The following SPON1 variants were observed in gnomAD, a reference collection of about 807,000 sequenced individuals.
The protein encoded by SPON1 is spondin-1.
A neutral mutation model predicts 111.7 loss-of-function variants in SPON1; 52 were observed. The ratio of observed to expected loss-of-function variants is 0.47; its 90% CI spans 0.37 to 0.59. The LOEUF (loss-of-function observed/expected upper bound fraction) is 0.59, where lower values mean the gene tolerates loss of function less well. Among genes scored for constraint, SPON1 ranks in the 20% least tolerant of loss-of-function variants. The pLI is 0.00. For missense variants in SPON1, 957 were observed against 1,068.5 expected, an observed-to-expected ratio of 0.90 and a Z score of 1.46; for synonymous variants, 410 against 395.8, an observed-to-expected ratio of 1.04 and a Z score of -0.43.
intron 6 of SPON1, among the ~76,000 whole-genome samples, chr11:14,189,227 T>G (rs1243126376): frequency 6.6e-6 from 1 of 152,186 alleles, no homozygotes; most frequent in Non-Finnish European, 1.5e-5. Flanking sequence ...TGCTGATACT[T>G]TAAACATGCT....
Position 14,243,399 on chromosome 11 carries a change from A to G in SPON1, c.890+3A>G, listed in dbSNP as rs781788878. 1 of 1,566,824 alleles carries G rather than the reference A, an allele frequency of 6.4e-7. No homozygotes were observed. The highest frequency in any genetic ancestry group is 1.2e-5 in the South Asian group (1 of 84,966). ...CCAGCCTGGCAGCCTCTCAACGTGT[A>G]AGTAACACAAGTCCCTTGCCTGGCC... On this transcript the variant is annotated splice_donor_region_variant and intron_variant, in intron 7 of 15. Transcript: ENST00000576479.
chr11:14,156,967 A>C (rs1847855490), intron 6 of SPON1, among the ~76,000 whole-genome samples: 1 of 152,178 alleles, frequency 6.6e-6, no homozygotes, highest in African/African-American at 2.4e-5. Context: ...TCCAACATTG[A>C]AGATTACAAT....
chr11:14,232,030 A>T (rs2133912461), intron 6 of SPON1, among the ~76,000 whole-genome samples: 1 of 152,050 alleles, frequency 6.6e-6, no homozygotes, highest in African/African-American at 2.4e-5. Context: ...TTATGTTTTT[A>T]AATTCTAAAG....
intron 5 of SPON1, among the ~76,000 whole-genome samples, chr11:14,127,375 A>T (rs1322699509): frequency 1.3e-5 from 2 of 150,584 alleles, no homozygotes; most frequent in Admixed American, 1.3e-4. Context: ...CTTCTGTCTT[A>T]TTGTCTCACA....
At chr11:14,043,634 G>T (rs1412579142) in intron 3 of SPON1, among the ~76,000 whole-genome samples, 1 of 152,184 alleles carries the variant, frequency 6.6e-6, no homozygotes, top group South Asian at 2.1e-4. Context: ...CTCTAAAGAA[G>T]ATGGGCTGAA....
chr11:13,970,531 A>G (rs1370828668), intron 1 of SPON1, among the ~76,000 whole-genome samples: 1 of 152,220 alleles, frequency 6.6e-6, no homozygotes, highest in Non-Finnish European at 1.5e-5. Flanking sequence ...GCAGGTGGGC[A>G]CAGTCACAGC....
chr11:14,001,703 C>A (rs1848320408), intron 2 of SPON1, among the ~76,000 whole-genome samples: 1 of 152,110 alleles, frequency 6.6e-6, no homozygotes, highest in African/African-American at 2.4e-5. Flanking sequence ...CAAGGCATAA[C>A]CTCTACTTAA....
chr11:14,139,505 T>G (rs905145539), intron 6 of SPON1, among the ~76,000 whole-genome samples: 4 of 152,192 alleles, frequency 2.6e-5, no homozygotes, highest in Admixed American at 2.6e-4. Flanking sequence ...GGCATAGTAT[T>G]GGATGCTTCC....
At chr11:14,026,775 C>T (rs1554915373) in intron 2 of SPON1, among the ~76,000 whole-genome samples, 1 of 152,170 alleles carries the variant, frequency 6.6e-6, no homozygotes, top group East Asian at 1.9e-4. Context: ...TATGTATAAT[C>T]TTCTCAATGC....
intron 6 of SPON1, among the ~76,000 whole-genome samples, chr11:14,155,656 C>G (rs1847837149): frequency 6.6e-6 from 1 of 150,490 alleles, no homozygotes; most frequent in African/African-American, 2.4e-5. Flanking sequence ...CCCACTCCCC[C>G]TACCCCACAA....
intron 6 of SPON1, among the ~76,000 whole-genome samples, chr11:14,141,029 C>CCCCACA (rs71041572): frequency 3.8e-5 from 5 of 132,370 alleles, no homozygotes; most frequent in Non-Finnish European, 8.2e-5. Context: ...GTGCCCCCCC[C>CCCCACA]ATGCCCCACT....
At chr11:13,967,600 A>G (rs1228982896) in intron 1 of SPON1, among the ~76,000 whole-genome samples, 1 of 152,026 alleles carries the variant, frequency 6.6e-6, no homozygotes, top group African/African-American at 2.4e-5. Context: ...CAGATGTTAT[A>G]TGACCATGCC....
chr11:14,206,747 T>C (rs1423034914), intron 6 of SPON1, among the ~76,000 whole-genome samples: 3 of 151,994 alleles, frequency 2.0e-5, no homozygotes, highest in African/African-American at 7.2e-5. Flanking sequence ...CACAAACAAA[T>C]GGAAAAACAT....
At chr11:14,087,872 T>C (rs1242022224) in intron 5 of SPON1, among the ~76,000 whole-genome samples, 2 of 152,244 alleles carry the variant, frequency 1.3e-5, no homozygotes, top group African/African-American at 4.8e-5. Context: ...CTTGTTGCAT[T>C]GATCCCTTTA....
intron 6 of SPON1, among the ~76,000 whole-genome samples, chr11:14,138,628 C>G (rs1030427616): frequency 6.6e-6 from 1 of 151,908 alleles, no homozygotes; most frequent in African/African-American, 2.4e-5. Flanking sequence ...CCAAGGCAGG[C>G]GGGGGCTGTA....
chr11:14,238,405 G>A (rs1591422781), intron 6 of SPON1, among the ~76,000 whole-genome samples: 1 of 152,288 alleles, frequency 6.6e-6, no homozygotes, highest in Admixed American at 6.5e-5. Flanking sequence ...AAAGGGGCAG[G>A]GGGATGTGAC....
intron 6 of SPON1, among the ~76,000 whole-genome samples, chr11:14,223,771 T>C (rs79789067): frequency 0.024 from 3,696 of 152,286 alleles, 137 homozygotes; most frequent in African/African-American, 0.082. Flanking sequence ...TCTTTGCCTC[T>C]CAAGAATTTC....
intron 5 of SPON1, among the ~76,000 whole-genome samples, chr11:14,133,948 A>G (rs1847560250): frequency 6.6e-6 from 1 of 151,810 alleles, no homozygotes; most frequent in Non-Finnish European, 1.5e-5. Flanking sequence ...CTTTACACCT[A>G]TGTTCTTGAT....
At chr11:14,186,489 G>A (rs1848287061) in intron 6 of SPON1, among the ~76,000 whole-genome samples, 1 of 152,140 alleles carries the variant, frequency 6.6e-6, no homozygotes, top group South Asian at 2.1e-4. Flanking sequence ...GCTGGGAGTG[G>A]GGGAGATGCA....
Sources: allele counts gnomAD v4.1 joint callset (sites outside exome capture counted in the v4.1 genomes callset), GRCh38; gene constraint gnomAD v4.1.1; transcripts MANE v1.5; gene names NCBI Gene and HGNC (gene_info 2026-07-23, HGNC 2026-07-21).